The following ADGRD1 variants were observed in gnomAD, a reference collection of about 807,000 sequenced individuals.
ADGRD1 encodes adhesion G protein-coupled receptor D1.
Under a neutral mutation model 113.4 loss-of-function variants are expected in ADGRD1, and 77 were observed. The observed-to-expected ratio is 0.68, with a 90% CI of 0.57 to 0.82. ADGRD1 has a LOEUF of 0.82. Ranked by LOEUF, ADGRD1 falls within the 40% of genes least tolerant of loss-of-function variation. The pLI is 0.00. For synonymous variants in ADGRD1, 474 were observed against 475.0 expected (o/e 1.00, Z 0.03); for missense variants, 1,036 against 1,139.1 (o/e 0.91, Z 1.30).
At chr12:131,049,322 G>A (rs1883151958) in intron 13 of ADGRD1, among the ~76,000 whole-genome samples, 1 of 152,206 alleles carries the variant, frequency 6.6e-6, no homozygotes, top group African/African-American at 2.4e-5. Flanking sequence ...GCATGGCCCT[G>A]ATACCCGTCC....
At chr12:131,070,213 G>C (rs1195693828) in intron 13 of ADGRD1, 1 of 152,538 alleles carries the variant, frequency 6.6e-6, no homozygotes, top group East Asian at 1.9e-4. Context: ...ACCCGAGTGG[G>C]GTGACCACGG....
intron 2 of ADGRD1, among the ~76,000 whole-genome samples, chr12:130,963,683 G>A (rs1870682118): frequency 6.6e-6 from 1 of 151,444 alleles, no homozygotes; most frequent in Non-Finnish European, 1.5e-5. Flanking sequence ...TATTTAGCCA[G>A]CGCTCTGTAG....
intron 21 of ADGRD1, among the ~76,000 whole-genome samples, chr12:131,135,523 TCGGGTGATCAGCGGGGGACACG>T (rs1312086669): frequency 3.3e-5 from 5 of 152,062 alleles, no homozygotes; most frequent in Non-Finnish European, 7.4e-5. Flanking sequence ...ACAGGAGGGC[TCGGGTGATCAGCGGGGGACACG>T]CGGGCTGCAG....
chr12:131,127,447 G>A (rs1950765745), intron 20 of ADGRD1, among the ~76,000 whole-genome samples: 1 of 152,266 alleles, frequency 6.6e-6, no homozygotes, highest in Non-Finnish European at 1.5e-5. Context: ...CAGGAGTGAT[G>A]ATGAGACCTC....
chr12:131,128,449 AC>A (rs1239850959), intron 20 of ADGRD1, among the ~76,000 whole-genome samples: 1 of 152,062 alleles, frequency 6.6e-6, no homozygotes, highest in African/African-American at 2.4e-5. Flanking sequence ...ATTCCACCTG[AC>A]CCCAAGGACA....
At chr12:131,045,742 C>T (rs955881349) in intron 13 of ADGRD1, among the ~76,000 whole-genome samples, 3 of 152,152 alleles carry the variant, frequency 2.0e-5, no homozygotes. Context: ...CATGCTTTCT[C>T]CTTGGGGGAC....
intron 14 of ADGRD1, among the ~76,000 whole-genome samples, chr12:131,078,474 G>A (rs1325197423): frequency 6.6e-6 from 1 of 152,198 alleles, no homozygotes; most frequent in Non-Finnish European, 1.5e-5. Context: ...TGTAAATTGT[G>A]AAAATTTGGA....
In ADGRD1 at chr12:131,047,923, T is replaced by G. The variant is rs1485545148; in HGVS notation, c.1474-28878T>G. Reference sequence around the variant, plus strand: ...GGCCCTGTGGACCTGGCCCCCACTTTCAGCCCCTTCTCCTCCAAGCCCAGG... The same window carrying G: ...GGCCCTGTGGACCTGGCCCCCACTTGCAGCCCCTTCTCCTCCAAGCCCAGG... On this transcript the variant is annotated intron_variant, in intron 13 of 24. Coordinates refer to ENST00000261654, the MANE Select transcript of ADGRD1 (RefSeq NM_198827.5). Among the ~76,000 whole-genome samples the G allele has an allele frequency of 2.6e-5, 4 of 152,170 alleles. No individual in the cohort carries two copies. In the East Asian group the frequency reaches 7.7e-4, roughly 29 times the overall value.
chr12:130,957,773 G>A (rs1462257925), intron 2 of ADGRD1: 2 of 152,346 alleles, frequency 1.3e-5, no homozygotes, highest in East Asian at 3.9e-4. Context: ...GGGACGGAAG[G>A]GTGTGGTGAC....
chr12:131,120,342 C>G (rs1005247684), intron 19 of ADGRD1, among the ~76,000 whole-genome samples: 3 of 152,122 alleles, frequency 2.0e-5, no homozygotes, highest in Non-Finnish European at 4.4e-5. Flanking sequence ...AGGCCAGATC[C>G]TCAAACTGGA....
At chr12:131,007,591 C>T (rs1185874723) in intron 12 of ADGRD1, among the ~76,000 whole-genome samples, 3 of 152,238 alleles carry the variant, frequency 2.0e-5, no homozygotes, top group African/African-American at 7.2e-5. Context: ...AGACAGGACA[C>T]TGGAGCCCCA....
intron 4 of ADGRD1, chr12:130,976,885 G>A (rs1270222438): frequency 6.6e-6 from 1 of 151,866 alleles, no homozygotes; most frequent in Non-Finnish European, 1.5e-5. Flanking sequence ...ATTTAGCAGG[G>A]CGAGGTGGTG....
At chr12:131,079,570 T>G (rs1229634722) in intron 14 of ADGRD1, among the ~76,000 whole-genome samples, 1 of 152,208 alleles carries the variant, frequency 6.6e-6, no homozygotes, top group Non-Finnish European at 1.5e-5. Context: ...ATTTCTTCCA[T>G]TTTAGTAGAA....
At chr12:131,021,797 G>A (rs1879356104) in intron 13 of ADGRD1, among the ~76,000 whole-genome samples, 1 of 152,026 alleles carries the variant, frequency 6.6e-6, no homozygotes. Flanking sequence ...AGCCCTGATC[G>A]CCGGGCTCAA....
intron 20 of ADGRD1, among the ~76,000 whole-genome samples, chr12:131,123,076 G>A (rs1354423593): frequency 1.9e-4 from 5 of 26,860 alleles, no homozygotes; most frequent in Non-Finnish European, 3.1e-4. Context: ...TTTTTTTTGC[G>A]ACAGAGTCTT....
Position 131,113,371 on chromosome 12 carries a change from T to C in ADGRD1, c.2041+4494T>C, listed in dbSNP as rs563132900. Among the ~76,000 whole-genome samples the C allele has an allele frequency of 6.6e-6, 1 of 152,294 alleles. No homozygotes were observed. The highest frequency in any genetic ancestry group is 1.9e-4 in the East Asian group (1 of 5,176). ...CAGTGATGTGGCTTCTTTGCTGAGCTTTGCCCTTGCCCATCCCAAGGGGTC... is the reference window on the plus strand; with the variant it reads ...CAGTGATGTGGCTTCTTTGCTGAGCCTTGCCCTTGCCCATCCCAAGGGGTC... On this transcript the variant is annotated intron_variant, in intron 18 of 24. Transcript: ENST00000261654. The surrounding 1 kb of genome is among the most constrained non-coding windows in gnomAD (Gnocchi z 4.9).
intron 2 of ADGRD1, among the ~76,000 whole-genome samples, chr12:130,955,543 G>T (rs921348645): frequency 1.3e-5 from 2 of 152,144 alleles, no homozygotes; most frequent in African/African-American, 2.4e-5. Flanking sequence ...GTCAGCCAGG[G>T]GCAGGGATGG....
chr12:131,077,764 G>A (rs921831335), intron 14 of ADGRD1, among the ~76,000 whole-genome samples: 9 of 152,070 alleles, frequency 5.9e-5, no homozygotes, highest in Admixed American at 4.6e-4. Flanking sequence ...TTGAGACAGG[G>A]TCTCACTCTG....
chr12:130,963,185 T>C (rs369303827), intron 2 of ADGRD1, among the ~76,000 whole-genome samples: 1 of 151,662 alleles, frequency 6.6e-6, no homozygotes, highest in Non-Finnish European at 1.5e-5. Context: ...CCAGGCGTGG[T>C]GGCGGGCGCC....
Sources: gnomAD v4.1 joint callset for allele counts (sites outside exome capture counted in the v4.1 genomes callset) on GRCh38, gnomAD v4.1.1 for gene constraint, Gnocchi (gnomAD v3.1) non-coding constraint, MANE v1.5 for transcripts, NCBI Gene and HGNC (gene_info 2026-07-23, HGNC 2026-07-21) for gene names.